The following TMC8 variants were observed in gnomAD, a reference collection of about 807,000 sequenced individuals.
The protein encoded by TMC8 is transmembrane channel like 8.
A neutral mutation model predicts 76.0 loss-of-function variants in TMC8; 71 were observed. That is an observed-to-expected ratio of 0.93 (90% CI 0.77 to 1.14). TMC8 has a LOEUF of 1.14. Among genes scored for constraint, TMC8 ranks in the 50% most tolerant of loss-of-function variants. TMC8 has a pLI of 0.00. For synonymous variants in TMC8, 433 were observed against 433.8 expected, an observed-to-expected ratio of 1.00 and a Z score of 0.02; for missense variants, 924 against 947.9, an observed-to-expected ratio of 0.97 and a Z score of 0.33.
chr17:78,134,805 G>T (rs916658617), intron 8 of TMC8, 65 bp from the exon 9 acceptor site: 14 of 1,606,824 alleles, frequency 8.7e-6, no homozygotes, highest in Admixed American at 3.3e-5. Context: ...AGGGCACTGT[G>T]GGGGGCGGGG....
Position 78,137,298 on chromosome 17 carries a change from G to A in TMC8, c.1191G>A (p.Leu397=), listed in dbSNP as rs749826886. 3 of 1,613,898 alleles carry A rather than the reference G, an allele frequency of 1.9e-6. No homozygotes were observed. The highest frequency in any genetic ancestry group is 2.5e-6 in the Non-Finnish European group (3 of 1,180,026). The change falls in exon 10 of 16, where the codon CTG becomes CTA. Residue 397 remains leucine (L), a synonymous_variant. Coordinates refer to ENST00000318430, the MANE Select transcript of TMC8 (RefSeq NM_152468.5). The stretch of plus-strand genomic sequence containing the variant: ...CCGTCTCCCTGGGTCAGACCATACT[G>A]TGCATTGGCAGAGACAAGAGCAGCT... The part of the protein sequence containing the change: ...MFSVSLGQTI[L]CIGRDKSSCE...
Position 78,137,942 on chromosome 17 carries a change from T to C in TMC8, c.1350-63T>C. On this transcript the variant is annotated intron_variant, in intron 11 of 15. Coordinates refer to ENST00000318430, the MANE Select transcript of TMC8 (RefSeq NM_152468.5). ...GGGAGTAAGTGGCAGGCTGTGGCCA[T>C]GACCAATACAGCCCACGCATCTGTC... 3.1e-6 allele frequency: 5 copies of C among 1,607,866 alleles called. 1 individual carries two copies. In the South Asian group the frequency reaches 5.5e-5, roughly 18 times the overall value.
Position 78,140,923 on chromosome 17 carries a change from T to A in TMC8, c.1992T>A (p.Pro664=). The A allele has an allele frequency of 6.2e-7, 1 of 1,603,860 alleles. No homozygotes were observed. Among genetic ancestry groups the A allele is most frequent in the South Asian group, 1.1e-5 (1 of 89,538 alleles). Residue 664 remains proline (P), a synonymous_variant, in exon 16 of 16, where the codon CCT becomes CCA. Coordinates refer to ENST00000318430, the MANE Select transcript of TMC8 (RefSeq NM_152468.5). ...GPSDSPGPKY[P]ASQASRPQSF... ...GCGACTCTCCGGGCCCCAAGTACCC[T>A]GCCTCCCAAGCTTCGCGCCCGCAGT...
Position 78,131,379 on chromosome 17 carries a change from C to T in TMC8, c.-210C>T. The T allele has an allele frequency of 1.5e-6, 1 of 662,222 alleles. No homozygotes were observed. The highest frequency in any genetic ancestry group is 2.6e-6 in the Non-Finnish European group (1 of 389,310). 41.0% of individuals were successfully genotyped at this position (662,222 alleles called of 1,614,324 possible). On this transcript the variant is annotated 5_prime_UTR_variant, in exon 2 of 16. Transcript: ENST00000318430. Reference sequence around the variant, plus strand: ...CAGGATTCTCTCTCATTTCTGAGCCCCGGAGGTGGCAGAGCGGCAGACCCG... The same window carrying T: ...CAGGATTCTCTCTCATTTCTGAGCCTCGGAGGTGGCAGAGCGGCAGACCCG...
In TMC8 at chr17:78,132,621, C is replaced by G. The variant is rs565022377; in HGVS notation, c.448+113C>G. 1.6e-4 allele frequency: 243 copies of G among 1,507,754 alleles called. No individual in the cohort carries two copies. The African/African-American group carries it at 3.1e-3, about 19-fold the overall frequency. 93.4% of individuals were successfully genotyped at this position (1,507,754 alleles called of 1,614,324 possible). A position where few individuals can be genotyped will look rare whatever the true frequency, so the allele number is the denominator to read the frequency against. The stretch of plus-strand genomic sequence containing the variant: ...GCTGGGCGTGGTCCTGCCGTGCAGG[C>G]CCCGGGGCTCTCTCTCCCTGACCTC... On this transcript the variant is annotated intron_variant, in intron 4 of 15. Coordinates refer to ENST00000318430, the MANE Select transcript of TMC8 (RefSeq NM_152468.5).
rs1191661381 is a variant in TMC8 at position 78,133,274 on chromosome 17, T to C, written c.532-132T>C. On this transcript the variant is annotated intron_variant, in intron 5 of 15. Transcript: ENST00000318430. Reference sequence around the variant, plus strand: ...CCGTGGGCACGTTGCCGAACCTCTGTGGGCCCTTGTAAGACGGGACACTCC... The same window carrying C: ...CCGTGGGCACGTTGCCGAACCTCTGCGGGCCCTTGTAAGACGGGACACTCC... 33 of 1,435,080 alleles carry C rather than the reference T, an allele frequency of 2.3e-5. No individual in the cohort carries two copies. The South Asian group carries it at 2.4e-4, about 10-fold the overall frequency. The allele number at this position is 1,435,080 out of a possible 1,614,324, so 88.9% of individuals were successfully genotyped here.
At chr17:78,135,949 G>A (rs148694855) in intron 9 of TMC8, among the ~76,000 whole-genome samples, 561 of 152,270 alleles carry the variant, frequency 3.7e-3, no homozygotes, top group Middle Eastern at 6.8e-3. Flanking sequence ...AGCTACCCGG[G>A]AAGCTGAGGC....
In TMC8 at chr17:78,138,758, G is replaced by A. The variant is rs202124074; in HGVS notation, c.1823+26G>A. ...GTTCTCAGGGCAGCCGGGGCCATGG[G>A]AGGGGACACCTGGAGGGGGAGGTCC... On this transcript the variant is annotated intron_variant, in intron 14 of 15. Coordinates refer to ENST00000318430, the MANE Select transcript of TMC8 (RefSeq NM_152468.5). 13 of 1,601,826 alleles carry A rather than the reference G, an allele frequency of 8.1e-6. No individual in the cohort carries two copies. The East Asian group carries it at 2.5e-4, about 30-fold the overall frequency.
chr17:78,134,063 G>A (rs559702868), intron 7 of TMC8, 63 bp downstream of exon 7: 282 of 1,610,002 alleles, frequency 1.8e-4, no homozygotes, highest in Non-Finnish European at 2.2e-4. Flanking sequence ...GAGTGCGTGA[G>A]AGCCACGTGT....
Position 78,133,343 on chromosome 17 carries a change from T to C in TMC8, c.532-63T>C, listed in dbSNP as rs370187477. On this transcript the variant is annotated intron_variant, in intron 5 of 15. Coordinates refer to ENST00000318430, the MANE Select transcript of TMC8 (RefSeq NM_152468.5). The stretch of plus-strand genomic sequence containing the variant: ...GCACGGGGGCTAACAAGATCATATA[T>C]GGAAAGCACTTGAGCAGAGCCTGGT... 6.8e-6 allele frequency: 11 copies of C among 1,612,130 alleles called. No individual in the cohort carries two copies. In the African/African-American group the frequency reaches 8.0e-5, roughly 12 times the overall value.
rs1374800033 is a variant in TMC8 at position 78,134,964 on chromosome 17, T to C, written c.1082T>C (p.Leu361Pro). ...CTGCTGTTCACATTTCTGGTCCAGCTGGAGAACTACCCTCCCAACACGGAG... is the reference window on the plus strand; with the variant it reads ...CTGCTGTTCACATTTCTGGTCCAGCCGGAGAACTACCCTCCCAACACGGAG... ...GPLLFTFLVQ[L>P]ENYPPNTEVN... is the part of the protein sequence containing the mutation. The change falls in exon 9 of 16, where the codon CTG becomes CCG. Residue 361 changes from leucine (L) to proline (P), a missense_variant. Leu to Pro is a moderately conservative substitution (Grantham distance 98). Coordinates refer to ENST00000318430, the MANE Select transcript of TMC8 (RefSeq NM_152468.5). The C allele has an allele frequency of 6.2e-7, 1 of 1,613,972 alleles. No individual in the cohort carries two copies. Among genetic ancestry groups the C allele is most frequent in the African/African-American group, 1.3e-5 (1 of 74,926 alleles).
rs2075362497 is a variant in TMC8, at chr17:78,140,996, C to T, written c.2065C>T (p.Pro689Ser). The T allele has an allele frequency of 6.3e-7, 1 of 1,592,888 alleles. No individual in the cohort carries two copies. Among genetic ancestry groups the T allele is most frequent in the African/African-American group, 1.3e-5 (1 of 74,318 alleles). Residue 689 changes from proline (P) to serine (S), a missense_variant, in exon 16 of 16, where the codon CCG becomes TCG. Physicochemically the swap from Pro to Ser is moderately conservative, Grantham distance 74. Transcript: ENST00000318430. ...CCCTGGCTCCCCGGGCCACCAGGCC[C>T]CGCGGCCGGGCCCCTCCGTCGTGGA... ...PCPGSPGHQA[P>S]RPGPSVVDAA...
intron 15 of TMC8, 142 bp from the exon 16 acceptor site, chr17:78,140,692 G>A: frequency 8.7e-7 from 1 of 1,152,252 alleles, no homozygotes; most frequent in Non-Finnish European, 1.2e-6. Context: ...CTCGAGCGGG[G>A]CGTGGCCTCG....
chr17:78,131,799 A>T, intron 2 of TMC8, 62 bp downstream of exon 2: 1 of 1,509,134 alleles, frequency 6.6e-7, no homozygotes, highest in Non-Finnish European at 8.9e-7. Flanking sequence ...GCCCCGTCGG[A>T]TGGTGTGGGA....
chr17:78,135,834 A>C (rs2075211745), intron 9 of TMC8, among the ~76,000 whole-genome samples: 1 of 152,056 alleles, frequency 6.6e-6, no homozygotes, highest in South Asian at 2.1e-4. Flanking sequence ...AAGGTGGATC[A>C]CCTGAGGTCA....
At chr17:78,140,748 G>T in intron 15 of TMC8, 86 bp from the exon 16 acceptor site, 1 of 1,532,938 alleles carries the variant, frequency 6.5e-7, no homozygotes, top group Admixed American at 2.0e-5. Flanking sequence ...CTGGCCCATG[G>T]GCCGCAGAGT....
intron 3 of TMC8, 121 bp downstream of exon 3, chr17:78,132,151 C>T (rs2075011972): frequency 1.4e-6 from 2 of 1,463,652 alleles, no homozygotes; most frequent in African/African-American, 1.4e-5. Context: ...CAATCGGCCC[C>T]TCCCCCCTCC....
chr17:78,132,421 C>G lies in TMC8; in HGVS notation c.361C>G (p.Leu121Val), dbSNP rs1234202350. The G allele has an allele frequency of 6.2e-7, 1 of 1,612,856 alleles. No individual in the cohort carries two copies. The highest frequency in any genetic ancestry group is 8.5e-7 in the Non-Finnish European group (1 of 1,179,644). ...TFLRFLLLLN[L>V]LSLLLTASFV... ...CCTCCGCTTCCTGCTGCTACTCAACCTGCTGAGCCTGCTGCTCACCGCAAG... is the reference window on the plus strand; with the variant it reads ...CCTCCGCTTCCTGCTGCTACTCAACGTGCTGAGCCTGCTGCTCACCGCAAG... The change falls in exon 4 of 16, where the codon CTG becomes GTG. Residue 121 changes from leucine to valine, a missense_variant. Coordinates refer to ENST00000318430, the MANE Select transcript of TMC8 (RefSeq NM_152468.5).
At chr17:78,132,209 C>T in intron 3 of TMC8, 150 bp from the exon 4 acceptor site, 1 of 1,372,964 alleles carries the variant, frequency 7.3e-7, no homozygotes, top group Non-Finnish European at 1.0e-6. Context: ...CACGCAGCAC[C>T]CCCAGGTGAC....
Sources: allele counts gnomAD v4.1 joint callset (sites outside exome capture counted in the v4.1 genomes callset), GRCh38; gene constraint gnomAD v4.1.1; transcripts MANE v1.5; gene names NCBI Gene and HGNC (gene_info 2026-07-23, HGNC 2026-07-21).